The following EPB41L3 variants were observed in gnomAD, a reference collection of about 807,000 sequenced individuals.
EPB41L3 encodes the protein band 4.1-like protein 3.
EPB41L3 carries 57 observed loss-of-function variants against 127.1 expected under a neutral mutation model. The observed-to-expected ratio is 0.45, with a 90% CI of 0.36 to 0.56. The LOEUF (loss-of-function observed/expected upper bound fraction) is 0.56. EPB41L3 is among the 20% of genes least tolerant of loss of function. EPB41L3 has a pLI of 0.00. For synonymous variants in EPB41L3, 572 were observed against 549.5 expected, an observed-to-expected ratio of 1.04 and a Z score of -0.57; for missense variants, 1,273 against 1,372.2, an observed-to-expected ratio of 0.93 and a Z score of 1.14.
intron 2 of EPB41L3, chr18:5,480,842 A>C (rs959644805): frequency 6.6e-6 from 1 of 152,230 alleles, no homozygotes; most frequent in Non-Finnish European, 1.5e-5. Flanking sequence ...GTCTAGGTAT[A>C]GATATTCATA....
chr18:5,498,049 G>A (rs138440263), intron 1 of EPB41L3, among the ~76,000 whole-genome samples: 2 of 152,280 alleles, frequency 1.3e-5, no homozygotes, highest in Non-Finnish European at 2.9e-5. Context: ...TAGTCTACAC[G>A]TGAATCCTGC....
At chr18:5,434,537 C>T (rs1015542382) in intron 6 of EPB41L3, among the ~76,000 whole-genome samples, 14 of 152,096 alleles carry the variant, frequency 9.2e-5, no homozygotes, top group Admixed American at 2.6e-4. Flanking sequence ...TGCCACAAAA[C>T]GATGTTGCAG....
chr18:5,400,765 C>A, intron 16 of EPB41L3: 1 of 571,496 alleles, frequency 1.7e-6, no homozygotes, highest in South Asian at 2.1e-5. Flanking sequence ...GATTAGAAGC[C>A]ATGAAGAAAT....
At chr18:5,465,161 C>T (rs758517497) in intron 3 of EPB41L3, among the ~76,000 whole-genome samples, 1 of 152,202 alleles carries the variant, frequency 6.6e-6, no homozygotes, top group African/African-American at 2.4e-5. Flanking sequence ...GCAAGTTTCC[C>T]ACATTTTCCG....
chr18:5,425,691 C>T (rs1006308050), intron 9 of EPB41L3, among the ~76,000 whole-genome samples: 1 of 152,136 alleles, frequency 6.6e-6, no homozygotes, highest in South Asian at 2.1e-4. Flanking sequence ...AATTTCTTCT[C>T]ACTCACTTTT....
chr18:5,466,649 CA>C (rs1254777746), intron 3 of EPB41L3, among the ~76,000 whole-genome samples: 1 of 152,124 alleles, frequency 6.6e-6, no homozygotes, highest in African/African-American at 2.4e-5. Context: ...AACTCTGTGT[CA>C]AAAAGTGCTC....
rs750432531 is a variant in EPB41L3, at chr18:5,478,268, A to G, written c.354T>C (p.Asp118=). The change falls in exon 3 of 23, where the codon GAT becomes GAC. Residue 118 remains aspartate (D), a synonymous_variant. Coordinates refer to ENST00000341928, the MANE Select transcript of EPB41L3 (RefSeq NM_012307.5). The stretch of plus-strand genomic sequence containing the variant: ...CTACATCACAGGTATATTCTGATCC[A>G]TCGAGAAGTATCACTTTGCACTGCA... The part of the protein sequence containing the change: ...KSMQCKVILL[D]GSEYTCDVEK... The G allele has an allele frequency of 8.7e-6, 14 of 1,614,070 alleles. No individual in the cohort carries two copies. In the Admixed American group the frequency reaches 2.2e-4, roughly 25 times the overall value.
rs142133892 is a variant in EPB41L3, at chr18:5,433,959, T to C, written c.768A>G (p.Ala256=). The change falls in exon 7 of 23, where the codon GCA becomes GCG. Residue 256 remains alanine, a synonymous_variant. Transcript: ENST00000341928. The part of the protein sequence containing the change: ...GSDYISEFRF[A]PNHTKELEDK... ...CTTCCAGTTCTTTAGTGTGGTTTGG[T>C]GCAAAGCGGAACTCACTAATGTAAT... 8 of 1,614,086 alleles carry C rather than the reference T, an allele frequency of 5.0e-6. No homozygotes were observed. Among genetic ancestry groups the C allele is most frequent in the Admixed American group, 1.7e-5 (1 of 60,008 alleles).
At chr18:5,478,465 T>A in intron 2 of EPB41L3, 27 bp from the exon 3 acceptor site, 1 of 1,610,512 alleles carries the variant, frequency 6.2e-7, no homozygotes, top group Non-Finnish European at 8.5e-7. Flanking sequence ...ATCAACAGTT[T>A]TCATTGCAAG....
At chr18:5,476,157 CT>C (rs1277601738) in intron 3 of EPB41L3, among the ~76,000 whole-genome samples, 1 of 152,120 alleles carries the variant, frequency 6.6e-6, no homozygotes, top group East Asian at 1.9e-4. Flanking sequence ...ATCCACTGAA[CT>C]TTACCATGTC....
intron 3 of EPB41L3, chr18:5,463,609 T>C (rs1179309723): frequency 6.6e-6 from 1 of 152,176 alleles, no homozygotes; most frequent in African/African-American, 2.4e-5. Context: ...GTGGACTCTG[T>C]AGCTGAGAGC....
chr18:5,500,833 C>G (rs28491200), intron 1 of EPB41L3, among the ~76,000 whole-genome samples: 1 of 152,190 alleles, frequency 6.6e-6, no homozygotes, highest in Non-Finnish European at 1.5e-5. Flanking sequence ...TAAATTCAAA[C>G]GAACAGCAGA....
Position 5,410,606 on chromosome 18 carries a change from C to T in EPB41L3, c.2081G>A (p.Arg694His), listed in dbSNP as rs375743953. Residue 694 changes from arginine (R) to histidine (H), a missense_variant, in exon 14 of 23, where the codon CGC becomes CAC. Physicochemically the swap from Arg to His is conservative, Grantham distance 29. This residue lies in a region of EPB41L3 where 765 missense variants were observed against 782.9 expected (regional missense o/e 0.98). Transcript: ENST00000341928. The part of the protein sequence containing the change: ...DSSEEETDSE[R>H]TDTAADGETT... The stretch of plus-strand genomic sequence containing the variant: ...CTCCCCGTCGGCTGCGGTGTCCGTG[C>T]GCTCACTGTCAGTCTGTTGACCACA... 6.0e-5 allele frequency: 97 copies of T among 1,613,344 alleles called. 1 individual carries two copies. In the East Asian group the frequency reaches 1.4e-3, roughly 24 times the overall value.
intron 3 of EPB41L3, among the ~76,000 whole-genome samples, chr18:5,605,773 A>G (rs2094644082): frequency 6.6e-6 from 1 of 152,148 alleles, no homozygotes; most frequent in Non-Finnish European, 1.5e-5. Context: ...AAGTACATTC[A>G]TCACTCCCAT....
At chr18:5,463,548 G>A (rs1440308932) in intron 3 of EPB41L3, 1 of 152,332 alleles carries the variant, frequency 6.6e-6, no homozygotes, top group East Asian at 1.9e-4. Flanking sequence ...ATCATGGTGA[G>A]GGAGGTTCTA....
chr18:5,545,430 G>C (rs529105490), upstream of EPB41L3, among the ~76,000 whole-genome samples: 1 of 152,286 alleles, frequency 6.6e-6, no homozygotes, highest in Admixed American at 6.5e-5. Flanking sequence ...TTCTAGAATA[G>C]GGAAGACTTT....
chr18:5,583,434 C>A (rs2143288056), intron 3 of EPB41L3, among the ~76,000 whole-genome samples: 1 of 152,310 alleles, frequency 6.6e-6, no homozygotes, highest in Admixed American at 6.5e-5. Context: ...ACAGTCTATA[C>A]AGGTCATTAA....
chr18:5,492,091 G>A (rs762013888), intron 1 of EPB41L3, among the ~76,000 whole-genome samples: 5 of 152,198 alleles, frequency 3.3e-5, no homozygotes, highest in South Asian at 2.1e-4. Flanking sequence ...AGGCCGAGGC[G>A]GGTGGATCAC....
intron 3 of EPB41L3, among the ~76,000 whole-genome samples, chr18:5,603,223 T>C (rs1380875571): frequency 1.3e-5 from 2 of 151,968 alleles, no homozygotes; most frequent in African/African-American, 4.8e-5. Context: ...TACATAGGAG[T>C]CATTAAAAGG....
Sources: gnomAD v4.1 joint callset for allele counts (sites outside exome capture counted in the v4.1 genomes callset) on GRCh38, gnomAD v4.1.1 for gene constraint, gnomAD v4.1.1 regional missense constraint, MANE v1.5 for transcripts, NCBI Gene and HGNC (gene_info 2026-07-23, HGNC 2026-07-21) for gene names.